Variants in NR5A1 observed in about 807,000 individuals in gnomAD.
NR5A1 encodes the protein nuclear receptor subfamily 5 group A member 1.
In NR5A1, 6 loss-of-function variants were observed where a neutral mutation model predicts 42.7. The observed-to-expected ratio is 0.14, with a 90% confidence interval of 0.08 to 0.28. The LOEUF (loss-of-function observed/expected upper bound fraction) is 0.28. NR5A1 is among the 10% of genes least tolerant of loss of function. NR5A1 has a pLI of 1.00. For synonymous variants in NR5A1, 274 were observed against 277.5 expected (o/e 0.99, Z 0.12); for missense variants, 442 against 626.4 (o/e 0.71, Z 3.14).
chr9:124,503,080 T>C lies in NR5A1; in HGVS notation c.243A>G (p.Glu81=). Residue 81 remains glutamate (E), a splice_region_variant and synonymous_variant, in exon 3 of 7, where the codon GAA becomes GAG. Coordinates refer to ENST00000373588, the MANE Select transcript of NR5A1 (RefSeq NM_004959.5). This position sits in a 1 kb window ranked among gnomAD's most constrained non-coding sequence, Gnocchi z 9.6. The stretch of plus-strand genomic sequence containing the variant: ...GGTCGAGGCCCGCGCGGCGCGCACC[T>C]TCCAGGCGCATCCCCACCGTCAGGC... ...QKCLTVGMRL[E]AVRADRMRGG... is the part of the protein sequence containing the mutation. 1 of 1,577,208 alleles carries C rather than the reference T, an allele frequency of 6.3e-7. No homozygotes were observed.
intron 6 of NR5A1, among the ~76,000 whole-genome samples, chr9:124,489,226 G>A (rs1373040362): frequency 1.3e-5 from 2 of 152,236 alleles, no homozygotes; most frequent in Non-Finnish European, 2.9e-5. Flanking sequence ...GAGCCTGCTG[G>A]CTGATAGCCC....
Position 124,482,951 on chromosome 9 carries a change from T to C in NR5A1, c.1193A>G (p.Asn398Ser). 1 of 1,613,978 alleles carries C rather than the reference T, an allele frequency of 6.2e-7. No homozygotes were observed. The part of the protein sequence containing the change: ...ILVKDAQEKA[N>S]AALLDYTLCH... ...CAGGGTGTAGTCAAGCAGGGCGGCG[T>C]TGGCCTTCTCCTGAGCGTCTTTCAC... is the stretch of plus-strand genomic sequence containing the variant. The change falls in exon 7 of 7, where the codon AAC becomes AGC. Residue 398 changes from asparagine to serine, a missense_variant. This residue lies in a region of NR5A1 where 163 missense variants were observed against 265.8 expected (regional missense o/e 0.61). Coordinates refer to ENST00000373588, the MANE Select transcript of NR5A1 (RefSeq NM_004959.5).
At chr9:124,502,990 G>A in intron 3 of NR5A1, 89 bp downstream of exon 3, 2 of 1,474,818 alleles carry the variant, frequency 1.4e-6, no homozygotes, top group Non-Finnish European at 1.8e-6. Flanking sequence ...GAAGGCCAAT[G>A]GTACTATCCC....
rs369217587 is a variant in NR5A1, at chr9:124,503,287, C to A, written c.102+7G>T. ...TGCCGCACCCCTGCCGCGCGCTCGC[C>A]GCTCACCTTGCAGCTCTCACACGTG... On this transcript the variant is annotated splice_region_variant and intron_variant, in intron 2 of 6. Coordinates refer to ENST00000373588, the MANE Select transcript of NR5A1 (RefSeq NM_004959.5). The surrounding 1 kb of genome is among the most constrained non-coding windows in gnomAD (Gnocchi z 9.6). 2 of 1,609,482 alleles carry A rather than the reference C, an allele frequency of 1.2e-6. No individual in the cohort carries two copies. The highest frequency in any genetic ancestry group is 8.5e-7 in the Non-Finnish European group (1 of 1,178,528).
At chr9:124,502,949 TG>T in intron 3 of NR5A1, 129 bp downstream of exon 3, 2 of 1,246,584 alleles carry the variant, frequency 1.6e-6, no homozygotes, top group Non-Finnish European at 2.2e-6. Context: ...TTGCAGCGAC[TG>T]GGCCCTAATG....
In NR5A1 at chr9:124,498,651, C is replaced by T. The variant is rs1832421824; in HGVS notation, c.870+1439G>A. ...TCCTCATCCCCACCAGGGCCTCCAG[C>T]CATGAGCAGAAGGCAGGTGGGAGTA... On this transcript the variant is annotated intron_variant, in intron 4 of 6. Coordinates refer to ENST00000373588, the MANE Select transcript of NR5A1 (RefSeq NM_004959.5). The surrounding 1 kb of genome is among the most constrained non-coding windows in gnomAD (Gnocchi z 4.6). Among the ~76,000 whole-genome samples, 1 of 152,228 alleles carries T rather than the reference C, an allele frequency of 6.6e-6. No homozygotes were observed. The highest frequency in any genetic ancestry group is 2.4e-5 in the African/African-American group (1 of 41,466).
intron 4 of NR5A1, among the ~76,000 whole-genome samples, chr9:124,493,985 G>A (rs1352045594): frequency 6.6e-6 from 1 of 152,188 alleles, no homozygotes; most frequent in Non-Finnish European, 1.5e-5. Flanking sequence ...GGATCACACA[G>A]AGGCAGGGCC....
chr9:124,500,699 A>G lies in NR5A1; in HGVS notation c.261T>C (p.Arg87=). The change falls in exon 4 of 7, where the codon CGT becomes CGC. Residue 87 remains arginine (R), a synonymous_variant. Coordinates refer to ENST00000373588, the MANE Select transcript of NR5A1 (RefSeq NM_004959.5). This position sits in a 1 kb window ranked among gnomAD's most constrained non-coding sequence, Gnocchi z 6.9. ...GMRLEAVRAD[R]MRGGRNKFGP... is the part of the protein sequence containing the mutation. ...CAAACTTGTTCCGGCCACCCCTCATACGGTCAGCGCGCACGGCTGTGGGCA... is the reference window on the plus strand; with the variant it reads ...CAAACTTGTTCCGGCCACCCCTCATGCGGTCAGCGCGCACGGCTGTGGGCA... 1 of 1,612,738 alleles carries G rather than the reference A, an allele frequency of 6.2e-7. No individual in the cohort carries two copies. Among genetic ancestry groups the G allele is most frequent in the Non-Finnish European group, 8.5e-7 (1 of 1,179,972 alleles).
At position 124,491,194 on chromosome 9, in the gene NR5A1, G is replaced by A. The variant is rs750650494; in HGVS notation, c.1025C>T (p.Ser342Leu). ...ELTTVATQAGSLLHSLVLRAQ... is the reference protein window; with the variant it reads ...ELTTVATQAGLLLHSLVLRAQ... ...CCGCAACACCAGGCTGTGCAGCAGC[G>A]AGCCCGCCTGGGTGGCCACTGTGGT... is the stretch of plus-strand genomic sequence containing the variant. Residue 342 changes from serine (S) to leucine (L), a missense_variant, in exon 6 of 7, where the codon TCG (serine) becomes TTG (leucine). Around this residue, in one of 3 missense-constraint regions of NR5A1, gnomAD observed 163 missense variants for 265.8 expected, o/e 0.61. Transcript: ENST00000373588. 1.0e-5 allele frequency: 16 copies of A among 1,607,670 alleles called. No homozygotes were observed. Among genetic ancestry groups the A allele is most frequent in the Middle Eastern group, 1.8e-4 (1 of 5,510 alleles).
intron 4 of NR5A1, among the ~76,000 whole-genome samples, chr9:124,497,643 C>A (rs756864526): frequency 7.2e-5 from 11 of 152,160 alleles, no homozygotes; most frequent in Non-Finnish European, 1.5e-4. Flanking sequence ...GGAGCCCCTC[C>A]CTGACCCGGA....
chr9:124,486,154 C>A (rs567413003), intron 6 of NR5A1, among the ~76,000 whole-genome samples: 1 of 152,242 alleles, frequency 6.6e-6, no homozygotes, highest in East Asian at 1.9e-4. Flanking sequence ...ATGCCCCCAC[C>A]CCCAGCAGTT....
At chr9:124,495,799 A>G (rs1203204742) in intron 4 of NR5A1, among the ~76,000 whole-genome samples, 2 of 152,152 alleles carry the variant, frequency 1.3e-5, no homozygotes, top group Non-Finnish European at 2.9e-5. Flanking sequence ...CTCTGTACCC[A>G]GACCTTAGAC....
chr9:124,505,427 G>C (rs991684592), intron 1 of NR5A1, among the ~76,000 whole-genome samples: 1 of 152,200 alleles, frequency 6.6e-6, no homozygotes, highest in Non-Finnish European at 1.5e-5. Context: ...CTCCTCACTC[G>C]AGCCTGTAGC....
chr9:124,485,485 G>A (rs892291055), intron 6 of NR5A1, among the ~76,000 whole-genome samples: 2 of 152,110 alleles, frequency 1.3e-5, no homozygotes, highest in Non-Finnish European at 2.9e-5. Context: ...AGGGAAACCG[G>A]AGCTGGGCCC....
Position 124,500,728 on chromosome 9 carries a change from G to T in NR5A1, c.245-13C>A. On this transcript the variant is annotated splice_polypyrimidine_tract_variant and intron_variant, in intron 3 of 6. Coordinates refer to ENST00000373588, the MANE Select transcript of NR5A1 (RefSeq NM_004959.5). This position sits in a 1 kb window ranked among gnomAD's most constrained non-coding sequence, Gnocchi z 6.9. The stretch of plus-strand genomic sequence containing the variant: ...TCAGCGCGCACGGCTGTGGGCAGGG[G>T]CAGAGGGTCAGACTCACCCTCTCTA... 1.9e-6 allele frequency: 3 copies of T among 1,612,470 alleles called. No individual in the cohort carries two copies. The highest frequency in any genetic ancestry group is 2.5e-6 in the Non-Finnish European group (3 of 1,180,026).
chr9:124,491,036 C>CCCCCCAGGGGGGG, intron 6 of NR5A1, 45 bp downstream of exon 6: 17 of 1,401,558 alleles, frequency 1.2e-5, no homozygotes, highest in Middle Eastern at 2.6e-4. Context: ...CCCACCCACC[C>CCCCCCAGGGGGGG]GCCTCTGGCT....
In NR5A1 at chr9:124,500,501, G is replaced by A. The variant is rs764702508; in HGVS notation, c.459C>T (p.Ala153=). The A allele has an allele frequency of 3.1e-5, 49 of 1,604,714 alleles. No individual in the cohort carries two copies. The highest frequency in any genetic ancestry group is 6.7e-5 in the African/African-American group (5 of 74,796). ...SLHGPEPKGL[A]AGPPAGPLGD... ...CCAGTGGCCCAGCAGGTGGACCGGC[G>A]GCCAGGCCCTTGGGCTCAGGCCCAT... Residue 153 remains alanine, a synonymous_variant, in exon 4 of 7, where the codon GCC becomes GCT. Transcript: ENST00000373588. This position sits in a 1 kb window ranked among gnomAD's most constrained non-coding sequence, Gnocchi z 6.9.
chr9:124,481,463 A>C lies in NR5A1; in HGVS notation c.*1295T>G, dbSNP rs1338830076. ...AGCACAAGCTGCAACAGTAACATGA[A>C]AGCGGGACGGACAGCAGGCACCCCG... On this transcript the variant is annotated 3_prime_UTR_variant, in exon 7 of 7. Coordinates refer to ENST00000373588, the MANE Select transcript of NR5A1 (RefSeq NM_004959.5). 1 of 152,214 alleles carries C rather than the reference A, an allele frequency of 6.6e-6. No homozygotes were observed. Among genetic ancestry groups the C allele is most frequent in the Non-Finnish European group, 1.5e-5 (1 of 68,084 alleles). The allele number at this position is 152,214 out of a possible 1,614,324, so 9.4% of individuals were successfully genotyped here.
chr9:124,494,940 T>C (rs1315703157), intron 4 of NR5A1, among the ~76,000 whole-genome samples: 1 of 152,184 alleles, frequency 6.6e-6, no homozygotes, highest in Non-Finnish European at 1.5e-5. Context: ...TCGTAGGAGA[T>C]AGAAGCACCC....
Sources: gnomAD v4.1 joint callset for allele counts (sites outside exome capture counted in the v4.1 genomes callset) on GRCh38, gnomAD v4.1.1 for gene constraint, gnomAD v4.1.1 regional missense constraint, Gnocchi (gnomAD v3.1) non-coding constraint, MANE v1.5 for transcripts, NCBI Gene and HGNC (gene_info 2026-07-23, HGNC 2026-07-21) for gene names.